Variants in DCDC1 observed in about 807,000 individuals in gnomAD.
The protein encoded by DCDC1 is doublecortin domain containing 1.
A neutral mutation model predicts 178.3 loss-of-function variants in DCDC1; 200 were observed. The observed-to-expected ratio is 1.12, with a 90% CI of 1.00 to 1.26. The LOEUF (loss-of-function observed/expected upper bound fraction) is 1.26, where lower values mean the gene tolerates loss of function less well. Ranked by LOEUF, DCDC1 falls within the 50% of genes most tolerant of loss-of-function variation. The probability of loss-of-function intolerance (pLI) is 0.00; values close to 1 mark genes in which losing one functional copy is unlikely to be tolerated. For missense variants in DCDC1, 1,983 were observed against 1,749.2 expected (o/e 1.13, Z -2.38); for synonymous variants, 690 against 604.8 (o/e 1.14, Z -2.07).
At position 31,204,945 on chromosome 11, in the gene DCDC1, G is replaced by T. The variant is rs191289438; in HGVS notation, c.1221+36505C>A. 3.4e-3 allele frequency among the ~76,000 whole-genome samples: 521 copies of T among 152,274 alleles called. 8 individuals are homozygous for T. Among genetic ancestry groups the T allele is most frequent in the Non-Finnish European group, 4.4e-4 (30 of 68,024 alleles). On this transcript the variant is annotated intron_variant, in intron 9 of 38. Coordinates refer to ENST00000684477, the MANE Select transcript of DCDC1 (RefSeq NM_001387274.1). The stretch of plus-strand genomic sequence containing the variant: ...TTGCAGACCCTTCAAATTCAGTCAT[G>T]CCATTTCCAGTCTATATAAAGTAGA...
intron 7 of DCDC1, among the ~76,000 whole-genome samples, chr11:31,282,991 C>T (rs536337452): frequency 3.3e-5 from 5 of 152,054 alleles, no homozygotes; most frequent in Non-Finnish European, 7.4e-5. Flanking sequence ...GTGTTTCCTC[C>T]CCTCTGGTTG....
At chr11:31,109,308 A>C (rs949636800) in intron 12 of DCDC1, among the ~76,000 whole-genome samples, 3 of 151,906 alleles carry the variant, frequency 2.0e-5, no homozygotes, top group African/African-American at 7.3e-5. Flanking sequence ...TTGTAGAGAC[A>C]GGATTTTGCC....
intron 20 of DCDC1, among the ~76,000 whole-genome samples, chr11:31,017,755 G>A (rs1357166480): frequency 6.6e-6 from 1 of 151,874 alleles, no homozygotes; most frequent in Non-Finnish European, 1.5e-5. Context: ...CTAGTTTTTG[G>A]TTTTGATTTT....
At chr11:30,888,098 A>AAGAGAAAG (rs1254212107) in intron 36 of DCDC1, among the ~76,000 whole-genome samples, 1 of 105,426 alleles carries the variant, frequency 9.5e-6, no homozygotes, top group African/African-American at 3.7e-5. Context: ...GAAAGAAAGA[A>AAGAGAAAG]AAAGAAAGAA....
chr11:31,237,609 G>C (rs1291854313), intron 9 of DCDC1, among the ~76,000 whole-genome samples: 1 of 151,770 alleles, frequency 6.6e-6, no homozygotes, highest in East Asian at 1.9e-4. Context: ...ACTACAAATA[G>C]CTCAAATACA....
chr11:30,885,130 C>A (rs760388051), intron 36 of DCDC1, among the ~76,000 whole-genome samples: 1 of 151,662 alleles, frequency 6.6e-6, no homozygotes, highest in Non-Finnish European at 1.5e-5. Flanking sequence ...CATTGGTATT[C>A]CAACTCAGAG....
chr11:30,905,715 C>T (rs1311267343), intron 30 of DCDC1, among the ~76,000 whole-genome samples: 1 of 152,214 alleles, frequency 6.6e-6, no homozygotes, highest in Non-Finnish European at 1.5e-5. Context: ...TTCCAACCAA[C>T]TCCTCACCAT....
intron 8 of DCDC1, among the ~76,000 whole-genome samples, chr11:31,252,821 T>A (rs1173175402): frequency 1.3e-5 from 2 of 152,096 alleles, no homozygotes; most frequent in Non-Finnish European, 1.5e-5. Context: ...AAAACAGATT[T>A]TTTAGAGAAA....
intron 6 of DCDC1, among the ~76,000 whole-genome samples, chr11:31,297,167 A>G (rs1379476893): frequency 6.6e-6 from 1 of 152,182 alleles, no homozygotes; most frequent in Non-Finnish European, 1.5e-5. Flanking sequence ...GAAGACGGTC[A>G]GCAAAGACTT....
chr11:31,022,752 G>A (rs906366294), intron 20 of DCDC1, among the ~76,000 whole-genome samples: 33 of 151,190 alleles, frequency 2.2e-4, no homozygotes, highest in African/African-American at 7.5e-4. Context: ...GTGTGTGTGT[G>A]TGTGTGTATA....
intron 1 of DCDC1, among the ~76,000 whole-genome samples, chr11:31,338,255 T>C (rs149200119): frequency 6.6e-6 from 1 of 152,284 alleles, no homozygotes; most frequent in Non-Finnish European, 1.5e-5. Context: ...TTTCCAAATA[T>C]ACATCCATTC....
intron 9 of DCDC1, among the ~76,000 whole-genome samples, chr11:31,230,658 A>C (rs1451354895): frequency 6.6e-6 from 1 of 152,184 alleles, no homozygotes; most frequent in Non-Finnish European, 1.5e-5. Flanking sequence ...ACTCCAGAAT[A>C]TTTTACTCAC....
At chr11:31,230,110 A>C (rs1298186068) in intron 9 of DCDC1, among the ~76,000 whole-genome samples, 1 of 152,152 alleles carries the variant, frequency 6.6e-6, no homozygotes, top group East Asian at 1.9e-4. Flanking sequence ...AGAAAACCCT[A>C]AAAATTCCAC....
At chr11:30,986,064 T>C (rs967500390) in intron 20 of DCDC1, among the ~76,000 whole-genome samples, 3 of 152,118 alleles carry the variant, frequency 2.0e-5, no homozygotes, top group African/African-American at 7.2e-5. Context: ...ATCCAGAGAT[T>C]GGCAGCCCAA....
At chr11:31,197,735 T>C (rs956586182) in intron 9 of DCDC1, among the ~76,000 whole-genome samples, 17 of 152,064 alleles carry the variant, frequency 1.1e-4, no homozygotes, top group Non-Finnish European at 2.1e-4. Context: ...GCCTCCAAAC[T>C]TTTACCCTTA....
At chr11:31,298,046 T>G (rs529044348) in intron 6 of DCDC1, among the ~76,000 whole-genome samples, 1 of 152,274 alleles carries the variant, frequency 6.6e-6, no homozygotes, top group South Asian at 2.1e-4. Context: ...TTTGGCAAAA[T>G]AAGCTTCCTA....
chr11:30,912,572 C>T (rs1267840473), intron 27 of DCDC1, among the ~76,000 whole-genome samples: 1 of 152,162 alleles, frequency 6.6e-6, no homozygotes. Flanking sequence ...CATGAGCCAC[C>T]ATGCCCGGCC....
At chr11:30,885,413 A>T (rs1438769023) in intron 36 of DCDC1, among the ~76,000 whole-genome samples, 1 of 152,038 alleles carries the variant, frequency 6.6e-6, no homozygotes, top group Non-Finnish European at 1.5e-5. Flanking sequence ...CCATAGACAC[A>T]ATAGTAAATT....
In DCDC1 at chr11:31,102,267, C is replaced by T. The variant is rs748815127; in HGVS notation, c.1893G>A (p.Glu631=). Residue 631 remains glutamate (E), a synonymous_variant, in exon 15 of 39, where the codon GAG becomes GAA. Coordinates refer to ENST00000684477, the MANE Select transcript of DCDC1 (RefSeq NM_001387274.1). The part of the protein sequence containing the change: ...LPGCGNWEVC[E]GFPINFNCTS... The stretch of plus-strand genomic sequence containing the variant: ...TACAGTTGAAATTAATTGGAAATCC[C>T]TCACAAACTTCCCAACTAAGAAAAG... 1.4e-6 allele frequency: 1 copy of T among 712,200 alleles called. No homozygotes were observed. Among genetic ancestry groups the T allele is most frequent in the Admixed American group, 1.8e-5 (1 of 54,864 alleles). The allele number at this position is 712,200 out of a possible 1,614,324, so 44.1% of individuals were successfully genotyped here. A position where few individuals can be genotyped will look rare whatever the true frequency, so the allele number is the denominator to read the frequency against.
Sources: allele counts gnomAD v4.1 joint callset (sites outside exome capture counted in the v4.1 genomes callset), GRCh38; gene constraint gnomAD v4.1.1; transcripts MANE v1.5; gene names NCBI Gene and HGNC (gene_info 2026-07-23, HGNC 2026-07-21).